Variants in POLE observed in about 807,000 individuals in gnomAD.
POLE encodes DNA polymerase epsilon, catalytic subunit, also known as DNA polymerase epsilon catalytic subunit A.
In POLE, 188 loss-of-function variants were observed where a neutral mutation model predicts 279.2. The observed-to-expected ratio is 0.67, with a 90% CI of 0.60 to 0.76. The LOEUF is 0.76. Among genes scored for constraint, POLE ranks in the 30% least tolerant of loss-of-function variants. The pLI is 0.00. For synonymous variants in POLE, 1,214 were observed against 1,172.5 expected (o/e 1.04, Z -0.72); for missense variants, 2,703 against 3,016.7 (o/e 0.90, Z 2.44).
intron 1 of POLE, among the ~76,000 whole-genome samples, chr12:132,681,927 G>A (rs907897324): frequency 1.3e-5 from 2 of 152,220 alleles, no homozygotes; most frequent in South Asian, 4.1e-4. Flanking sequence ...GCTCACGCCT[G>A]TAATCCCAAA....
Position 132,649,150 on chromosome 12 carries a change from G to A in POLE, c.4006-78C>T, listed in dbSNP as rs572855877. The A allele has an allele frequency of 4.5e-6, 7 of 1,543,486 alleles. No individual in the cohort carries two copies. In the South Asian group the frequency reaches 8.4e-5, roughly 19 times the overall value. ...GACGGGGCCACCTTCCAGGTAGCTT[G>A]CAGCTCCCAGCACAGGGCCTTAGGC... is the stretch of plus-strand genomic sequence containing the variant. On this transcript the variant is annotated intron_variant, in intron 31 of 48. Coordinates refer to ENST00000320574, the MANE Select transcript of POLE (RefSeq NM_006231.4).
In POLE at chr12:132,676,668, T is replaced by C. The variant is rs201609441; in HGVS notation, c.802-15A>G. On this transcript the variant is annotated splice_polypyrimidine_tract_variant and intron_variant, in intron 8 of 48. Transcript: ENST00000320574. ...ACCACAGGGTCCTGTGGGGACAAAA[T>C]AAGCATAAAGCCAAGCTCTAAACTC... 1.3e-6 allele frequency: 2 copies of C among 1,563,670 alleles called. No homozygotes were observed. Among genetic ancestry groups the C allele is most frequent in the Admixed American group, 3.3e-5 (2 of 59,842 alleles).
At chr12:132,649,223 C>G in intron 31 of POLE, 83 bp downstream of exon 31, 1 of 1,533,240 alleles carries the variant, frequency 6.5e-7, no homozygotes, top group Non-Finnish European at 8.9e-7. Context: ...ACCCTCCCAT[C>G]CCAGACCTCA....
intron 20 of POLE, among the ~76,000 whole-genome samples, chr12:132,666,089 T>C (rs2135964323): frequency 6.6e-6 from 1 of 152,192 alleles, no homozygotes; most frequent in East Asian, 1.9e-4. Context: ...ATATCCAAAA[T>C]CACCAAAAGC....
rs997973800 is a variant in POLE, at chr12:132,681,059, C to A, written c.204+79G>T. 10 of 1,522,332 alleles carry A rather than the reference C, an allele frequency of 6.6e-6. No homozygotes were observed. The Admixed American group carries it at 1.6e-4, about 25-fold the overall frequency. The allele number at this position is 1,522,332 out of a possible 1,614,324, so 94.3% of individuals were successfully genotyped here. On this transcript the variant is annotated intron_variant, in intron 2 of 48. Transcript: ENST00000320574. ...ACTCAAAGTTCCCTCATGTGTCCCC[C>A]ACTCTTTAGATAAGGACCACGCTAT... is the stretch of plus-strand genomic sequence containing the variant.
rs1377657524 is a variant in POLE, at chr12:132,668,882, C to A, written c.1852G>T (p.Glu618Ter). ...TCCAGGTGGTAGATGAGTGGACACT[C>A]GATGCGGCTGGGAACGTCCTTCAGG... ...ASLKDVPSRI[E>*]CPLIYHLDVG... Residue 618 changes from glutamate to a stop codon, truncating the protein, a stop_gained, in exon 17 of 49, where the codon GAG becomes TAG. Transcript: ENST00000320574. LOFTEE classifies it high-confidence loss of function. The surrounding 1 kb of genome is among the most constrained non-coding windows in gnomAD (Gnocchi z 4.0). 6.2e-7 allele frequency: 1 copy of A among 1,614,048 alleles called. No homozygotes were observed. Among genetic ancestry groups the A allele is most frequent in the South Asian group, 1.1e-5 (1 of 91,070 alleles).
Position 132,657,920 on chromosome 12 carries a change from A to C in POLE, c.3326T>G (p.Phe1109Cys). 3 of 1,614,162 alleles carry C rather than the reference A, an allele frequency of 1.9e-6. No homozygotes were observed. The highest frequency in any genetic ancestry group is 2.5e-6 in the Non-Finnish European group (3 of 1,179,980). Residue 1109 changes from phenylalanine (F) to cysteine (C), a missense_variant, in exon 27 of 49, where the codon TTT (phenylalanine) becomes TGT (cysteine). Transcript: ENST00000320574. ...AGAGCTCTTGAGCCATTTCCGGAGA[A>C]AGTGCTTCCTCACCGTGGGCTCTGC... ...FQAEPTVRKH[F>C]LRKWLKSSSL...
At chr12:132,632,635 G>C (rs2138462928) in intron 44 of POLE, 29 bp downstream of exon 44, 2 of 1,613,846 alleles carry the variant, frequency 1.2e-6, no homozygotes, top group Non-Finnish European at 1.7e-6. Context: ...GCACATGGCA[G>C]TGGCCTCAAA....
chr12:132,646,949 T>C (rs912774490), intron 32 of POLE, among the ~76,000 whole-genome samples: 31 of 152,276 alleles, frequency 2.0e-4, no homozygotes, highest in African/African-American at 7.5e-4. Context: ...TCCACCAGCC[T>C]CAGCCTCCCA....
Position 132,687,340 on chromosome 12 carries a change from T to C in POLE, c.-25A>G, listed in dbSNP as rs1443530379. ...TGGAGCCGTTGGCTACCACCTCTGC[T>C]TCAGGGGAGAAATTTGGCGCGCTCC... is the stretch of plus-strand genomic sequence containing the variant. On this transcript the variant is annotated 5_prime_UTR_variant, in exon 1 of 49. Transcript: ENST00000320574. 57 of 1,483,050 alleles carry C rather than the reference T, an allele frequency of 3.8e-5. No individual in the cohort carries two copies. The highest frequency in any genetic ancestry group is 1.1e-4 in the Admixed American group (5 of 46,910). 91.9% of individuals were successfully genotyped at this position (1,483,050 alleles called of 1,614,324 possible). A position where few individuals can be genotyped will look rare whatever the true frequency, so the allele number is the denominator to read the frequency against.
intron 45 of POLE, among the ~76,000 whole-genome samples, chr12:132,626,948 A>C (rs919933788): frequency 3.9e-5 from 6 of 152,258 alleles, no homozygotes; most frequent in African/African-American, 1.4e-4. Flanking sequence ...TGCATATAAA[A>C]GTTACATGAT....
In POLE at chr12:132,672,761, TG is replaced by T; in HGVS notation, c.1551del (p.Asn518ThrfsTer10). 2.5e-6 allele frequency: 4 copies of T among 1,614,176 alleles called. No individual in the cohort carries two copies. The highest frequency in any genetic ancestry group is 3.4e-6 in the Non-Finnish European group (4 of 1,180,030). On this transcript the variant is annotated frameshift_variant, in exon 15 of 49. Coordinates refer to ENST00000320574, the MANE Select transcript of POLE (RefSeq NM_006231.4). LOFTEE classifies it high-confidence loss of function. ...VQAFHANIIF[P>X]NKQEQEFNKL... ...TTATTGAACTCCTGCTCTTGCTTGT[TG>T]GGGAAGATGATGTTGGCGTGGAAGG...
intron 20 of POLE, 112 bp from the exon 21 acceptor site, chr12:132,665,562 T>A: frequency 8.1e-7 from 1 of 1,229,780 alleles, no homozygotes; most frequent in Non-Finnish European, 1.1e-6. Flanking sequence ...ATAGAAAACC[T>A]AAAAAACCAG....
chr12:132,654,063 T>C (rs1358295496), intron 29 of POLE, among the ~76,000 whole-genome samples: 3 of 152,254 alleles, frequency 2.0e-5, no homozygotes, highest in Non-Finnish European at 4.4e-5. Flanking sequence ...TGTATGTTGA[T>C]ATTTTTTCAT....
At chr12:132,676,426 T>A (rs1256159458) in intron 9 of POLE, 120 bp downstream of exon 9, 5 of 767,824 alleles carry the variant, frequency 6.5e-6, no homozygotes, top group Non-Finnish European at 8.9e-6. Context: ...TTGCTCCCAT[T>A]CCTGGACTAA....
rs1192506130 is a variant in POLE at position 132,675,256 on chromosome 12, T to C, written c.1226+142A>G. The C allele has an allele frequency of 2.0e-6, 2 of 1,001,348 alleles. No homozygotes were observed. Among genetic ancestry groups the C allele is most frequent in the Non-Finnish European group, 2.9e-6 (2 of 690,254 alleles). 62.0% of individuals were successfully genotyped at this position (1,001,348 alleles called of 1,614,324 possible). ...TCCCGGGCCCTGGCAGGGTTGCAGCTGCCATACTCTTGGGTGACCTGAAAC... is the reference window on the plus strand; with the variant it reads ...TCCCGGGCCCTGGCAGGGTTGCAGCCGCCATACTCTTGGGTGACCTGAAAC... On this transcript the variant is annotated intron_variant, in intron 12 of 48. Transcript: ENST00000320574. This position sits in a 1 kb window ranked among gnomAD's most constrained non-coding sequence, Gnocchi z 4.3.
Position 132,639,525 on chromosome 12 carries a change from A to T in POLE, c.5379-227T>A, listed in dbSNP as rs1181884385. ...CCCATTTCATTCCTTAAACTTGTTC[A>T]GGCTTCACCGCATCCCAAACTCTGT... On this transcript the variant is annotated intron_variant, in intron 39 of 48. Coordinates refer to ENST00000320574, the MANE Select transcript of POLE (RefSeq NM_006231.4). This position sits in a 1 kb window ranked among gnomAD's most constrained non-coding sequence, Gnocchi z 4.7. Among the ~76,000 whole-genome samples the T allele has an allele frequency of 7.6e-6, 1 of 131,574 alleles. No individual in the cohort carries two copies. Among genetic ancestry groups the T allele is most frequent in the Non-Finnish European group, 1.6e-5 (1 of 63,298 alleles). 86.3% of individuals were successfully genotyped at this position (131,574 alleles called of 152,430 possible).
intron 45 of POLE, among the ~76,000 whole-genome samples, chr12:132,626,649 C>T (rs1289019059): frequency 6.6e-6 from 1 of 152,124 alleles, no homozygotes; most frequent in Non-Finnish European, 1.5e-5. Context: ...TAAGAAACTA[C>T]AGACCAATAA....
chr12:132,642,056 C>T, intron 38 of POLE, 121 bp downstream of exon 38: 2 of 1,019,378 alleles, frequency 2.0e-6, no homozygotes, highest in East Asian at 2.4e-5. Flanking sequence ...CCTGCAGCCT[C>T]AGCTCTGACC....
Sources: gnomAD v4.1 joint callset for allele counts (sites outside exome capture counted in the v4.1 genomes callset) on GRCh38, gnomAD v4.1.1 for gene constraint, Gnocchi (gnomAD v3.1) non-coding constraint, MANE v1.5 for transcripts, NCBI Gene and HGNC (gene_info 2026-07-23, HGNC 2026-07-21) for gene names.